Variants in ALKBH5 observed in about 807,000 individuals in gnomAD.
ALKBH5 encodes the protein alkB homolog 5, RNA demethylase.
A neutral mutation model predicts 32.1 loss-of-function variants in ALKBH5; 2 were observed. The ratio of observed to expected loss-of-function variants is 0.06; its 90% confidence interval spans 0.03 to 0.20. ALKBH5 has a LOEUF of 0.20. Among genes scored for constraint, ALKBH5 ranks in the 10% least tolerant of loss-of-function variants. ALKBH5 has a pLI of 1.00. For synonymous variants in ALKBH5, 300 were observed against 231.7 expected, an observed-to-expected ratio of 1.29 and a Z score of -2.68; for missense variants, 352 against 559.5, an observed-to-expected ratio of 0.63 and a Z score of 3.74.
rs1053349423 is a variant in ALKBH5 at position 18,184,193 on chromosome 17, C to A, written c.-51C>A. 3.5e-6 allele frequency: 5 copies of A among 1,434,790 alleles called. No homozygotes were observed. Among genetic ancestry groups the A allele is most frequent in the South Asian group, 1.4e-5 (1 of 72,912 alleles). The allele number at this position is 1,434,790 out of a possible 1,614,324, so 88.9% of individuals were successfully genotyped here. On this transcript the variant is annotated 5_prime_UTR_variant, in exon 1 of 4. Coordinates refer to ENST00000399138, the MANE Select transcript of ALKBH5 (RefSeq NM_017758.4). ...CGGGGCGCGTCCCCTTAGAGCCATG[C>A]CCGGCTGCCCCGCCCGCCCCGGAGG...
intron 1 of ALKBH5, among the ~76,000 whole-genome samples, chr17:18,188,643 C>T (rs1005321017): frequency 6.6e-6 from 1 of 152,140 alleles, no homozygotes; most frequent in African/African-American, 2.4e-5. Context: ...GAGCTCTGGG[C>T]CAGGGGGGTT....
chr17:18,185,288 G>T (rs1357163950), intron 1 of ALKBH5, among the ~76,000 whole-genome samples: 1 of 151,922 alleles, frequency 6.6e-6, no homozygotes, highest in African/African-American at 2.4e-5. Flanking sequence ...TCAGAAGGCT[G>T]TTCCCTTTGA....
chr17:18,205,248 G>A (rs16960986), intron 2 of ALKBH5, among the ~76,000 whole-genome samples: 32,112 of 152,046 alleles, frequency 0.21, 3,705 homozygotes, highest in Middle Eastern at 0.31. Context: ...GGCCCGAGGA[G>A]GGATGGTGAC....
intron 1 of ALKBH5, among the ~76,000 whole-genome samples, chr17:18,193,741 C>G (rs1427225978): frequency 6.6e-6 from 1 of 152,172 alleles, no homozygotes; most frequent in Non-Finnish European, 1.5e-5. Context: ...CTTCCCAGGC[C>G]TGCAGTGTTT....
At chr17:18,185,813 A>T (rs1337908704) in intron 1 of ALKBH5, among the ~76,000 whole-genome samples, 1 of 152,216 alleles carries the variant, frequency 6.6e-6, no homozygotes, top group Non-Finnish European at 1.5e-5. Flanking sequence ...TGCCATTGGG[A>T]ACACCTTTGC....
chr17:18,206,600 C>G (rs118043710), intron 2 of ALKBH5: 4 of 555,304 alleles, frequency 7.2e-6, no homozygotes, highest in Non-Finnish European at 9.6e-6. Flanking sequence ...AGAAGTGTTC[C>G]CATTCCTTAC....
chr17:18,188,371 C>T (rs1481374838), intron 1 of ALKBH5, among the ~76,000 whole-genome samples: 2 of 152,276 alleles, frequency 1.3e-5, no homozygotes, highest in African/African-American at 2.4e-5. Flanking sequence ...CTGTATCACC[C>T]AGGCACGGGG....
chr17:18,206,115 C>G (rs1219310311), intron 2 of ALKBH5, among the ~76,000 whole-genome samples: 1 of 152,196 alleles, frequency 6.6e-6, no homozygotes, highest in Non-Finnish European at 1.5e-5. Flanking sequence ...TTCTCCATCC[C>G]CCTCTTCCTC....
rs2047293483 is a variant in ALKBH5, at chr17:18,209,700, T to G, written c.*1304T>G. The G allele has an allele frequency of 6.6e-6, 1 of 152,326 alleles. No individual in the cohort carries two copies. Among genetic ancestry groups the G allele is most frequent in the Non-Finnish European group, 1.5e-5 (1 of 68,022 alleles). The allele number at this position is 152,326 out of a possible 1,614,324, so 9.4% of individuals were successfully genotyped here. A position where few individuals can be genotyped will look rare whatever the true frequency, so the allele number is the denominator to read the frequency against. On this transcript the variant is annotated 3_prime_UTR_variant, in exon 4 of 4. Coordinates refer to ENST00000399138, the MANE Select transcript of ALKBH5 (RefSeq NM_017758.4). Reference sequence around the variant, plus strand: ...ACCAGGATACCACCACTTTGGGGGCTTTGTGTACAGAGGTCCGGGTCTGAG... The same window carrying G: ...ACCAGGATACCACCACTTTGGGGGCGTTGTGTACAGAGGTCCGGGTCTGAG...
intron 2 of ALKBH5, 125 bp from the exon 3 acceptor site, chr17:18,206,690 A>G (rs770926077): frequency 4.9e-6 from 5 of 1,027,888 alleles, no homozygotes; most frequent in African/African-American, 1.6e-5. Context: ...AGTGAGGTAC[A>G]GAGCAGAGAC....
At chr17:18,197,370 C>G (rs974877469) in intron 2 of ALKBH5, among the ~76,000 whole-genome samples, 1 of 152,216 alleles carries the variant, frequency 6.6e-6, no homozygotes, top group African/African-American at 2.4e-5. Flanking sequence ...TAGCACTCTT[C>G]CAGCCTCTCC....
At chr17:18,200,154 G>T (rs953007885) in intron 2 of ALKBH5, among the ~76,000 whole-genome samples, 4 of 151,252 alleles carry the variant, frequency 2.6e-5, no homozygotes, top group African/African-American at 4.9e-5. Context: ...GCGGGAGGAA[G>T]GGTAAAGGTG....
At chr17:18,187,633 ATCT>A in intron 1 of ALKBH5, among the ~76,000 whole-genome samples, 1 of 152,190 alleles carries the variant, frequency 6.6e-6, no homozygotes, top group African/African-American at 2.4e-5. Context: ...CACTAATTAA[ATCT>A]TCTTGCACCT....
rs910242709 is a variant in ALKBH5 at position 18,183,875 on chromosome 17, C to T, written c.-369C>T. ...GCTGGCGGACGTCGGGCTGGCTGCC[C>T]GTGACGTCGTGCGGAGAGCTTTAAA... On this transcript the variant is annotated 5_prime_UTR_variant, in exon 1 of 4. Coordinates refer to ENST00000399138, the MANE Select transcript of ALKBH5 (RefSeq NM_017758.4). The T allele has an allele frequency of 2.7e-6, 1 of 377,206 alleles. No homozygotes were observed. The highest frequency in any genetic ancestry group is 1.0e-4 in the East Asian group (1 of 9,788). 23.4% of individuals were successfully genotyped at this position (377,206 alleles called of 1,614,324 possible).
chr17:18,198,902 G>A (rs2047219953), intron 2 of ALKBH5, among the ~76,000 whole-genome samples: 3 of 152,180 alleles, frequency 2.0e-5, no homozygotes, highest in Admixed American at 2.0e-4. Flanking sequence ...GTGTTATAAT[G>A]TTTGGGGTCA....
At chr17:18,186,077 G>A (rs1269465457) in intron 1 of ALKBH5, among the ~76,000 whole-genome samples, 1 of 152,192 alleles carries the variant, frequency 6.6e-6, no homozygotes, top group African/African-American at 2.4e-5. Context: ...GAGCCTTCTT[G>A]ATATGAGATT....
At chr17:18,202,742 A>G (rs2047249025) in intron 2 of ALKBH5, among the ~76,000 whole-genome samples, 1 of 151,898 alleles carries the variant, frequency 6.6e-6, no homozygotes, top group Admixed American at 6.6e-5. Flanking sequence ...GTTCTCTTGC[A>G]CTGAGGAGGG....
intron 2 of ALKBH5, among the ~76,000 whole-genome samples, chr17:18,196,450 A>G (rs938955864): frequency 6.6e-6 from 1 of 152,000 alleles, no homozygotes; most frequent in African/African-American, 2.4e-5. Context: ...CTAACTTCCA[A>G]CCTCAAGTGG....
At chr17:18,196,836 ATTC>A (rs2047206997) in intron 2 of ALKBH5, among the ~76,000 whole-genome samples, 1 of 152,172 alleles carries the variant, frequency 6.6e-6, no homozygotes, top group Non-Finnish European at 1.5e-5. Flanking sequence ...ATTACTTAGA[ATTC>A]TTCTGCAGGG....
Sources: allele counts gnomAD v4.1 joint callset (sites outside exome capture counted in the v4.1 genomes callset), GRCh38; gene constraint gnomAD v4.1.1; transcripts MANE v1.5; gene names NCBI Gene and HGNC (gene_info 2026-07-23, HGNC 2026-07-21).